The following STXBP5L variants were observed in gnomAD, a reference collection of about 807,000 sequenced individuals.
STXBP5L encodes the protein syntaxin-binding protein 5-like.
A neutral mutation model predicts 144.5 loss-of-function variants in STXBP5L; 65 were observed. The observed-to-expected ratio is 0.45, with a 90% CI of 0.37 to 0.55. The LOEUF is 0.55. Among genes scored for constraint, STXBP5L ranks in the 20% least tolerant of loss-of-function variants. The probability of loss-of-function intolerance (pLI) is 0.00; values close to 1 mark genes in which losing one functional copy is unlikely to be tolerated. For synonymous variants in STXBP5L, 505 were observed against 469.6 expected, an observed-to-expected ratio of 1.08 and a Z score of -0.97; for missense variants, 1,298 against 1,405.5, an observed-to-expected ratio of 0.92 and a Z score of 1.22.
chr3:121,018,878 C>G (rs1945336486), intron 3 of STXBP5L, among the ~76,000 whole-genome samples: 1 of 152,212 alleles, frequency 6.6e-6, no homozygotes, highest in South Asian at 2.1e-4. Flanking sequence ...TCCACAGACC[C>G]TTTGAAGGAG....
At chr3:121,197,902 A>G (rs913412160) in intron 9 of STXBP5L, among the ~76,000 whole-genome samples, 5 of 152,168 alleles carry the variant, frequency 3.3e-5, no homozygotes, top group Admixed American at 1.3e-4. Context: ...TCACTGATGG[A>G]CATTTGGGTT....
chr3:121,394,274 A>G (rs1228720597), intron 22 of STXBP5L, among the ~76,000 whole-genome samples: 1 of 152,114 alleles, frequency 6.6e-6, no homozygotes, highest in African/African-American at 2.4e-5. Flanking sequence ...ATTTTTATAT[A>G]CTGAAACTTT....
intron 20 of STXBP5L, among the ~76,000 whole-genome samples, chr3:121,319,349 G>T (rs184187616): frequency 1.2e-3 from 186 of 152,100 alleles, no homozygotes; most frequent in Non-Finnish European, 1.7e-3. Flanking sequence ...GTTTAATAAT[G>T]CCATTATAAA....
At chr3:121,268,414 G>A (rs1173281059) in intron 18 of STXBP5L, among the ~76,000 whole-genome samples, 1 of 152,074 alleles carries the variant, frequency 6.6e-6, no homozygotes, top group East Asian at 1.9e-4. Context: ...AGGGGATGGG[G>A]TGCTAGGGGA....
chr3:120,972,841 T>A (rs1488624021), intron 3 of STXBP5L, among the ~76,000 whole-genome samples: 1 of 152,292 alleles, frequency 6.6e-6, no homozygotes, highest in South Asian at 2.1e-4. Context: ...AGTTTTTATG[T>A]TTTTAATTCA....
At chr3:121,303,603 C>G (rs893318668) in intron 19 of STXBP5L, among the ~76,000 whole-genome samples, 10 of 152,108 alleles carry the variant, frequency 6.6e-5, no homozygotes, top group African/African-American at 2.4e-4. Context: ...GCACTATTCA[C>G]AATAGCAAAG....
At chr3:120,952,475 A>G (rs1011016104) in intron 2 of STXBP5L, among the ~76,000 whole-genome samples, 2 of 151,824 alleles carry the variant, frequency 1.3e-5, no homozygotes, top group South Asian at 4.1e-4. Flanking sequence ...TGGATAGTTT[A>G]TTGTTAGTAT....
chr3:121,131,418 A>G (rs1384116428), intron 7 of STXBP5L, among the ~76,000 whole-genome samples: 1 of 152,194 alleles, frequency 6.6e-6, no homozygotes, highest in Non-Finnish European at 1.5e-5. Context: ...TTTATAATGG[A>G]ATTTTATGAA....
At chr3:121,069,212 A>G (rs2041692890) in intron 5 of STXBP5L, among the ~76,000 whole-genome samples, 1 of 152,152 alleles carries the variant, frequency 6.6e-6, no homozygotes, top group South Asian at 2.1e-4. Flanking sequence ...CATATTTATA[A>G]TTTTATAACT....
intron 20 of STXBP5L, among the ~76,000 whole-genome samples, chr3:121,322,017 T>TC (rs1280634385): frequency 6.6e-6 from 1 of 152,060 alleles, no homozygotes; most frequent in African/African-American, 2.4e-5. Flanking sequence ...TTCCTTCCTT[T>TC]CCCCTCTAGT....
At chr3:121,058,511 A>C (rs1049323361) in intron 5 of STXBP5L, among the ~76,000 whole-genome samples, 5 of 152,242 alleles carry the variant, frequency 3.3e-5, no homozygotes, top group Non-Finnish European at 5.9e-5. Flanking sequence ...TGGCTGGGTC[A>C]AATGGTATTT....
chr3:121,392,071 C>T (rs1051728100), intron 22 of STXBP5L, among the ~76,000 whole-genome samples: 3 of 152,084 alleles, frequency 2.0e-5, no homozygotes, highest in African/African-American at 7.2e-5. Flanking sequence ...CAGTTTGTTT[C>T]CTGGCCACTT....
intron 22 of STXBP5L, among the ~76,000 whole-genome samples, chr3:121,388,757 G>A (rs1240245765): frequency 6.6e-6 from 1 of 152,132 alleles, no homozygotes; most frequent in Admixed American, 6.5e-5. Context: ...TGATCGTGGT[G>A]GATAAGCTTT....
chr3:121,380,184 C>A (rs941520845), intron 21 of STXBP5L, among the ~76,000 whole-genome samples: 1 of 152,080 alleles, frequency 6.6e-6, no homozygotes, highest in African/African-American at 2.4e-5. Context: ...TCTAATTTGT[C>A]CTGGATTCTG....
intron 3 of STXBP5L, 147 bp from the exon 4 acceptor site, chr3:121,041,553 C>T: frequency 1.7e-6 from 1 of 575,176 alleles, no homozygotes; most frequent in South Asian, 2.4e-5. Context: ...ATTTAATTTA[C>T]ATCTACTAAG....
intron 5 of STXBP5L, among the ~76,000 whole-genome samples, chr3:121,045,920 A>G (rs780873305): frequency 7.2e-5 from 11 of 152,118 alleles, no homozygotes; most frequent in Non-Finnish European, 1.0e-4. Context: ...GAATGGTGAG[A>G]GATGGCATCC....
At chr3:121,158,728 A>G (rs2046208268) in intron 9 of STXBP5L, 1 of 152,218 alleles carries the variant, frequency 6.6e-6, no homozygotes, top group Non-Finnish European at 1.5e-5. Context: ...ACACACCCCC[A>G]GCTAACCCCC....
chr3:120,945,009 G>T (rs974969736), intron 2 of STXBP5L, among the ~76,000 whole-genome samples: 2 of 151,924 alleles, frequency 1.3e-5, no homozygotes, highest in South Asian at 4.1e-4. Flanking sequence ...AATGAGAGTT[G>T]CTCCATAGTT....
At chr3:121,074,631 T>G (rs558160881) in intron 5 of STXBP5L, among the ~76,000 whole-genome samples, 2 of 152,290 alleles carry the variant, frequency 1.3e-5, no homozygotes, top group African/African-American at 4.8e-5. Context: ...TTCTTATACA[T>G]TGCCTCATTT....
Sources: allele counts gnomAD v4.1 joint callset (sites outside exome capture counted in the v4.1 genomes callset), GRCh38; gene constraint gnomAD v4.1.1; transcripts MANE v1.5; gene names NCBI Gene and HGNC (gene_info 2026-07-23, HGNC 2026-07-21).